HIPK1: variants seen among roughly 807,000 people sequenced by gnomAD.
The protein encoded by HIPK1 is homeodomain-interacting protein kinase 1.
In HIPK1, 28 loss-of-function variants were observed where a neutral mutation model predicts 117.1. The ratio of observed to expected loss-of-function variants is 0.24; its 90% CI spans 0.18 to 0.33. HIPK1 has a LOEUF of 0.33. Among genes scored for constraint, HIPK1 ranks in the 10% least tolerant of loss-of-function variants. HIPK1 has a pLI of 1.00. For missense variants in HIPK1, 1,122 were observed against 1,475.1 expected, an observed-to-expected ratio of 0.76 and a Z score of 3.92; for synonymous variants, 605 against 562.5, an observed-to-expected ratio of 1.08 and a Z score of -1.07.
At chr1:113,944,959 C>A (rs1317065660) in intron 2 of HIPK1, among the ~76,000 whole-genome samples, 1 of 152,164 alleles carries the variant, frequency 6.6e-6, no homozygotes, top group Non-Finnish European at 1.5e-5. Flanking sequence ...GCAGTCCTCC[C>A]ACCTTAGCCT....
chr1:113,943,837 CAG>C (rs752833072), intron 2 of HIPK1, among the ~76,000 whole-genome samples: 9 of 152,052 alleles, frequency 5.9e-5, no homozygotes, highest in South Asian at 4.1e-4. Flanking sequence ...TTTACAGAGA[CAG>C]GGGCTGCCTC....
intron 15 of HIPK1, chr1:113,972,190 G>C: frequency 8.6e-7 from 1 of 1,164,336 alleles, no homozygotes; most frequent in African/African-American, 1.6e-5. Context: ...GTCTACCCTG[G>C]AAGGTTAGAG....
rs1670637593 is a variant in HIPK1 at position 113,941,541 on chromosome 1, G to A, written c.1076+82G>A. ...ACATATACCCCGTAGGCTACATATA[G>A]CAATGAATTTGTTTATAGATTCTGA... On this transcript the variant is annotated intron_variant, in intron 2 of 15. Coordinates refer to ENST00000426820, the MANE Select transcript of HIPK1 (RefSeq NM_198268.3). The surrounding 1 kb of genome is among the most constrained non-coding windows in gnomAD (Gnocchi z 4.9). 5 of 1,042,740 alleles carry A rather than the reference G, an allele frequency of 4.8e-6. No individual in the cohort carries two copies. The highest frequency in any genetic ancestry group is 3.0e-5 in the South Asian group (2 of 66,208). The allele number at this position is 1,042,740 out of a possible 1,614,324, so 64.6% of individuals were successfully genotyped here.
chr1:113,943,970 A>G (rs952752287), intron 2 of HIPK1, among the ~76,000 whole-genome samples: 1 of 151,870 alleles, frequency 6.6e-6, no homozygotes, highest in African/African-American at 2.4e-5. Flanking sequence ...ACACTCCACC[A>G]TACCTGGCTA....
chr1:113,933,115 C>G (rs192842551), intron 1 of HIPK1: 111 of 923,528 alleles, frequency 1.2e-4, no homozygotes, highest in Non-Finnish European at 1.4e-4. Flanking sequence ...AAAGCACTTA[C>G]TTTTCTTTTG....
At chr1:113,967,653 C>A in intron 11 of HIPK1, 113 bp from the exon 12 acceptor site, 1 of 653,470 alleles carries the variant, frequency 1.5e-6, no homozygotes, top group Non-Finnish European at 2.4e-6. Context: ...AGGTGCTCAA[C>A]TTTAAAAAAA....
chr1:113,940,292 G>A (rs771515015), intron 1 of HIPK1, 90 bp from the exon 2 acceptor site: 6 of 1,166,562 alleles, frequency 5.1e-6, no homozygotes, highest in African/African-American at 1.5e-5. Context: ...CTTTTATCAA[G>A]TAAAAGTGTG....
chr1:113,962,610 G>C (rs1373905708), intron 9 of HIPK1, among the ~76,000 whole-genome samples, 172 bp downstream of exon 9: 2 of 152,128 alleles, frequency 1.3e-5, no homozygotes, highest in African/African-American at 4.8e-5. Context: ...TAACACTATT[G>C]CAACTCTGCC....
At position 113,957,104 on chromosome 1, in the gene HIPK1, A is replaced by G; in HGVS notation, c.1593-20A>G. On this transcript the variant is annotated intron_variant, in intron 6 of 15. Coordinates refer to ENST00000426820, the MANE Select transcript of HIPK1 (RefSeq NM_198268.3). ...TTAAATCTCAGCATTCATTTAATGA[A>G]TCTTTAATCTCCTTTTCAGTGTTAA... 6.3e-7 allele frequency: 1 copy of G among 1,596,794 alleles called. No individual in the cohort carries two copies. The highest frequency in any genetic ancestry group is 8.6e-7 in the Non-Finnish European group (1 of 1,165,992).
intron 1 of HIPK1, among the ~76,000 whole-genome samples, chr1:113,938,293 T>C (rs1019038156): frequency 4.0e-5 from 6 of 151,876 alleles, no homozygotes; most frequent in South Asian, 2.1e-4. Flanking sequence ...CTTTTCTTTT[T>C]TTTTTTTGTT....
intron 5 of HIPK1, among the ~76,000 whole-genome samples, chr1:113,956,415 TTC>T (rs1448556341): frequency 6.6e-6 from 1 of 152,152 alleles, no homozygotes; most frequent in Admixed American, 6.5e-5. Flanking sequence ...TTTAGCTTTC[TTC>T]TACCACTCAA....
At chr1:113,943,919 G>A (rs374658618) in intron 2 of HIPK1, among the ~76,000 whole-genome samples, 7 of 152,056 alleles carry the variant, frequency 4.6e-5, no homozygotes, top group African/African-American at 1.7e-4. Context: ...GACTTGAGCA[G>A]TCCTCCCACT....
chr1:113,931,216 G>A (rs1368853733), intron 1 of HIPK1, among the ~76,000 whole-genome samples: 3 of 147,288 alleles, frequency 2.0e-5, no homozygotes, highest in African/African-American at 7.5e-5. Flanking sequence ...ACTATTACTA[G>A]CTTTTTTCAT....
At chr1:113,937,857 C>T (rs1277507341) in intron 1 of HIPK1, among the ~76,000 whole-genome samples, 1 of 151,616 alleles carries the variant, frequency 6.6e-6, no homozygotes, top group Non-Finnish European at 1.5e-5. Context: ...CTTCCAAGAA[C>T]TAAAGAAAGA....
At chr1:113,958,623 A>G (rs1007224960) in intron 8 of HIPK1, among the ~76,000 whole-genome samples, 1 of 152,218 alleles carries the variant, frequency 6.6e-6, no homozygotes, top group Non-Finnish European at 1.5e-5. Context: ...ATACAACTTG[A>G]AAAAATTTGT....
chr1:113,935,651 G>A (rs1670204272), intron 1 of HIPK1, among the ~76,000 whole-genome samples: 3 of 152,142 alleles, frequency 2.0e-5, no homozygotes, highest in Non-Finnish European at 1.5e-5. Context: ...AGCAGTATAA[G>A]TGTTCCCTTT....
In HIPK1 at chr1:113,955,566, C is replaced by T. The variant is rs748998614; in HGVS notation, c.1324C>T (p.Pro442Ser). 1 of 1,555,066 alleles carries T rather than the reference C, an allele frequency of 6.4e-7. No individual in the cohort carries two copies. Among genetic ancestry groups the T allele is most frequent in the Non-Finnish European group, 8.9e-7 (1 of 1,129,924 alleles). ...LGYPLWRLKT[P>S]EEHELETGIK... ...GAGGAAAATCTTTATTTTATAGACA[C>T]CTGAAGAACATGAACTGGAGACTGG... Residue 442 changes from proline to serine, a missense_variant, in exon 5 of 16, where the codon CCT becomes TCT. Physicochemically the swap from Pro to Ser is moderately conservative, Grantham distance 74. This residue lies in a region of HIPK1 where 127 missense variants were observed against 197.9 expected (regional missense o/e 0.64). Transcript: ENST00000426820.
At chr1:113,972,382 A>G (rs568691264) in intron 15 of HIPK1, among the ~76,000 whole-genome samples, 11 of 152,290 alleles carry the variant, frequency 7.2e-5, no homozygotes, top group Non-Finnish European at 1.0e-4. Flanking sequence ...TCTAGGTCCT[A>G]CTTGTTGCTG....
intron 2 of HIPK1, among the ~76,000 whole-genome samples, chr1:113,945,448 T>C: frequency 6.6e-6 from 1 of 152,246 alleles, no homozygotes; most frequent in Admixed American, 6.5e-5. Flanking sequence ...TGTTTTCTGC[T>C]AAGAGTTTTA....
Sources: gnomAD v4.1 joint callset for allele counts (sites outside exome capture counted in the v4.1 genomes callset) on GRCh38, gnomAD v4.1.1 for gene constraint, gnomAD v4.1.1 regional missense constraint, Gnocchi (gnomAD v3.1) non-coding constraint, MANE v1.5 for transcripts, NCBI Gene and HGNC (gene_info 2026-07-23, HGNC 2026-07-21) for gene names.